Variants in LBP observed in about 807,000 individuals in gnomAD.
LBP encodes the protein lipopolysaccharide binding protein, also known as lipopolysaccharide-binding protein.
In LBP, 53 loss-of-function variants were observed where a neutral mutation model predicts 56.6. The observed-to-expected ratio is 0.94, with a 90% CI of 0.75 to 1.18. The LOEUF (loss-of-function observed/expected upper bound fraction) is 1.18, where lower values mean the gene tolerates loss of function less well. Among genes scored for constraint, LBP ranks in the 50% most tolerant of loss-of-function variants. The pLI, the probability that LBP is intolerant of heterozygous loss-of-function variation, is 0.00. For synonymous variants in LBP, 227 were observed against 247.5 expected (o/e 0.92, Z 0.78); for missense variants, 601 against 598.3 (o/e 1.00, Z -0.05).
intron 7 of LBP, 38 bp downstream of exon 7, chr20:38,364,104 T>A: frequency 7.2e-7 from 1 of 1,391,282 alleles, no homozygotes; most frequent in Non-Finnish European, 1.0e-6. Context: ...GGTGAGGCTT[T>A]CCCTCAGGGT....
In LBP at chr20:38,365,709, AAAAAAAAAATATATATATAT is replaced by A. The variant is rs1309127355; in HGVS notation, c.921+959_921+978del. On this transcript the variant is annotated intron_variant, in intron 8 of 14. Transcript: ENST00000217407. ...GAGACTGCATCTCAAAAAAAAAAAA[AAAAAAAAAATATATATATAT>A]ATATATATATATATATTTATATGTG... Among the ~76,000 whole-genome samples the A allele has an allele frequency of 4.4e-3, 281 of 64,154 alleles. 3 individuals are homozygous for A. In the East Asian group the frequency reaches 0.047, roughly 11 times the overall value. The allele number at this position is 64,154 out of a possible 152,430, so 42.1% of individuals were successfully genotyped here. A position where few individuals can be genotyped will look rare whatever the true frequency, so the allele number is the denominator to read the frequency against.
chr20:38,369,161 T>C lies in LBP; in HGVS notation c.1148T>C (p.Val383Ala). 2 of 1,613,694 alleles carry C rather than the reference T, an allele frequency of 1.2e-6. No individual in the cohort carries two copies. The highest frequency in any genetic ancestry group is 1.7e-6 in the Non-Finnish European group (2 of 1,179,850). The change falls in exon 10 of 15, where the codon GTG becomes GCG. Residue 383 changes from valine (V) to alanine (A), a missense_variant and splice_region_variant. Transcript: ENST00000217407. Reference sequence around the variant, plus strand: ...AAGGAGCCTGTCTTCCGGCTCAGTGTGGTAAGGTTCAGAGCCTTTGCAAAT... The same window carrying C: ...AAGGAGCCTGTCTTCCGGCTCAGTGCGGTAAGGTTCAGAGCCTTTGCAAAT... ...SSKEPVFRLSVATNVSATLTF... is the reference protein window; with the variant it reads ...SSKEPVFRLSAATNVSATLTF...
Position 38,349,663 on chromosome 20 carries a change from G to T in LBP, c.239+1G>T, listed in dbSNP as rs151228599. Reference sequence around the variant, plus strand: ...GCCGTGGGCGCTATGAGTTCCACAGGTGGGGCTCTCCCTTCTGCTGCGGCT... The same window carrying T: ...GCCGTGGGCGCTATGAGTTCCACAGTTGGGGCTCTCCCTTCTGCTGCGGCT... On this transcript the variant is annotated splice_donor_variant, in intron 2 of 14. Transcript: ENST00000217407. LOFTEE classifies it high-confidence loss of function. 83 of 1,590,958 alleles carry T rather than the reference G, an allele frequency of 5.2e-5. No individual in the cohort carries two copies. The African/African-American group carries it at 8.6e-4, about 16-fold the overall frequency.
Position 38,360,706 on chromosome 20 carries a change from T to G in LBP, c.591T>G (p.Ile197Met). Residue 197 changes from isoleucine (I) to methionine (M), a missense_variant and splice_region_variant, in exon 6 of 15, where the codon ATT becomes ATG. Transcript: ENST00000217407. The stretch of plus-strand genomic sequence containing the variant: ...CATTCTCTTCCCATGTTTTTCAGAT[T>G]TGCGAAATGATCCAGAAATCAGTGT... ...SKFQKVLESR[I>M]CEMIQKSVSS... The G allele has an allele frequency of 6.2e-7, 1 of 1,611,824 alleles. No homozygotes were observed.
At chr20:38,355,478 A>G in intron 5 of LBP, 69 bp downstream of exon 5, 5 of 1,364,428 alleles carry the variant, frequency 3.7e-6, no homozygotes, top group Non-Finnish European at 5.2e-6. Flanking sequence ...TCACTGACCA[A>G]TGGCCCTGGA....
At chr20:38,365,199 C>T (rs1188217056) in intron 8 of LBP, among the ~76,000 whole-genome samples, 1 of 145,088 alleles carries the variant, frequency 6.9e-6, no homozygotes, top group South Asian at 2.2e-4. Flanking sequence ...CATGCCACTG[C>T]ACTCCAGTCT....
At chr20:38,368,843 A>G in intron 9 of LBP, 152 bp from the exon 10 acceptor site, 2 of 722,064 alleles carry the variant, frequency 2.8e-6, no homozygotes, top group Non-Finnish European at 4.7e-6. Context: ...AGAGATGGCC[A>G]GTTTTGCCAC....
At chr20:38,349,717 G>A in intron 2 of LBP, 55 bp downstream of exon 2, 1 of 1,286,312 alleles carries the variant, frequency 7.8e-7, no homozygotes, top group South Asian at 1.3e-5. Flanking sequence ...GCTGTCAGGG[G>A]GAATTGGAGA....
intron 5 of LBP, among the ~76,000 whole-genome samples, chr20:38,357,518 T>A (rs1176687900): frequency 6.6e-6 from 1 of 152,218 alleles, no homozygotes; most frequent in East Asian, 1.9e-4. Context: ...GGGCGATATA[T>A]ACTCACTATC....
At chr20:38,360,187 G>A (rs577158452) in intron 5 of LBP, among the ~76,000 whole-genome samples, 1 of 151,388 alleles carries the variant, frequency 6.6e-6, no homozygotes, top group African/African-American at 2.4e-5. Flanking sequence ...AGGAGGCAGA[G>A]GTTCACCCAG....
intron 1 of LBP, among the ~76,000 whole-genome samples, chr20:38,347,931 T>A (rs1394011703): frequency 6.6e-6 from 1 of 152,186 alleles, no homozygotes; most frequent in Non-Finnish European, 1.5e-5. Context: ...TAGATAGGGT[T>A]GTTGGGAGCC....
chr20:38,363,988 T>G lies in LBP; in HGVS notation c.666T>G (p.Ile222Met). ...YLQTLPVTTE[I>M]DSFADIDYSL... ...CCTCATTCACAGTTACAACAGAGAT[T>G]GACAGTTTCGCCGACATTGATTATA... Residue 222 changes from isoleucine (I) to methionine (M), a missense_variant, in exon 7 of 15, where the codon ATT becomes ATG. Transcript: ENST00000217407. 12 of 1,613,320 alleles carry G rather than the reference T, an allele frequency of 7.4e-6. No homozygotes were observed. Among genetic ancestry groups the G allele is most frequent in the Non-Finnish European group, 1.0e-5 (12 of 1,179,288 alleles).
At chr20:38,353,341 AG>A (rs1174453774) in intron 3 of LBP, among the ~76,000 whole-genome samples, 1 of 152,084 alleles carries the variant, frequency 6.6e-6, no homozygotes, top group African/African-American at 2.4e-5. Flanking sequence ...CCCTTCCCCC[AG>A]CTCCAGACAA....
intron 5 of LBP, among the ~76,000 whole-genome samples, chr20:38,359,782 C>G (rs2076853437): frequency 6.6e-6 from 1 of 152,102 alleles, no homozygotes; most frequent in Non-Finnish European, 1.5e-5. Flanking sequence ...ATTACAGTGG[C>G]AAGTACAGCC....
At chr20:38,347,682 TG>T (rs1263064420) in intron 1 of LBP, among the ~76,000 whole-genome samples, 6 of 152,206 alleles carry the variant, frequency 3.9e-5, no homozygotes, top group Non-Finnish European at 8.8e-5. Flanking sequence ...TGAGGGCTTC[TG>T]GGCCGGGGGT....
At position 38,346,724 on chromosome 20, in the gene LBP, A is replaced by G; in HGVS notation, c.124+84A>G. On this transcript the variant is annotated intron_variant, in intron 1 of 14. Transcript: ENST00000217407. ...TACAGTGGGGACAGGGAGTGGGGAC[A>G]CAGACCGGACCCTCTCCCTGGGGCA... 3 of 1,568,396 alleles carry G rather than the reference A, an allele frequency of 1.9e-6. No individual in the cohort carries two copies. In the Admixed American group the frequency reaches 5.1e-5, roughly 27 times the overall value.
chr20:38,366,801 C>A lies in LBP; in HGVS notation c.954C>A (p.Thr318=), dbSNP rs772160232. Residue 318 remains threonine (T), a synonymous_variant, in exon 9 of 15, where the codon ACC becomes ACA. Coordinates refer to ENST00000217407, the MANE Select transcript of LBP (RefSeq NM_004139.5). ...IPPDSNIRLT[T]KSFRPFVPRL... The stretch of plus-strand genomic sequence containing the variant: ...CTGACTCTAATATCCGACTGACCAC[C>A]AAGTCCTTCCGACCCTTCGTCCCAC... The A allele has an allele frequency of 6.2e-7, 1 of 1,614,162 alleles. No homozygotes were observed. The highest frequency in any genetic ancestry group is 8.5e-7 in the Non-Finnish European group (1 of 1,180,040).
chr20:38,374,526 G>A (rs1016609390), intron 14 of LBP, among the ~76,000 whole-genome samples: 1 of 150,826 alleles, frequency 6.6e-6, no homozygotes, highest in Admixed American at 6.6e-5. Context: ...GAATCCAGGA[G>A]GTGAAGGTTG....
chr20:38,347,664 T>A (rs2076805697), intron 1 of LBP, among the ~76,000 whole-genome samples: 1 of 152,016 alleles, frequency 6.6e-6, no homozygotes, highest in Non-Finnish European at 1.5e-5. Context: ...TACACCACAG[T>A]GATTGATTGA....
Sources: gnomAD v4.1 joint callset for allele counts (sites outside exome capture counted in the v4.1 genomes callset) on GRCh38, gnomAD v4.1.1 for gene constraint, MANE v1.5 for transcripts, NCBI Gene and HGNC (gene_info 2026-07-23, HGNC 2026-07-21) for gene names.